SPOPL: variants seen among roughly 807,000 people sequenced by gnomAD.
The protein encoded by SPOPL is speckle type BTB/POZ protein like.
A neutral mutation model predicts 53.8 loss-of-function variants in SPOPL; 23 were observed. The observed-to-expected ratio is 0.43, with a 90% confidence interval of 0.31 to 0.61. The LOEUF (loss-of-function observed/expected upper bound fraction) is 0.61, where lower values mean the gene tolerates loss of function less well. Ranked by LOEUF, SPOPL falls within the 20% of genes least tolerant of loss-of-function variation. The probability of loss-of-function intolerance (pLI) is 0.12; values close to 1 mark genes in which losing one functional copy is unlikely to be tolerated. For missense variants in SPOPL, 442 were observed against 466.9 expected (o/e 0.95, Z 0.49); for synonymous variants, 164 against 149.7 (o/e 1.10, Z -0.70).
intron 1 of SPOPL, among the ~76,000 whole-genome samples, chr2:138,503,924 GTT>G (rs1684159362): frequency 6.6e-6 from 1 of 152,074 alleles, no homozygotes; most frequent in African/African-American, 2.4e-5. Flanking sequence ...AATGTGTTAT[GTT>G]CATTCATATT....
chr2:138,550,323 A>C lies in SPOPL; in HGVS notation c.78+29A>C, dbSNP rs2293124. 2,963 of 1,611,988 alleles carry C rather than the reference A, an allele frequency of 1.8e-3. 100 individuals are homozygous for C. The East Asian group carries it at 0.06, about 32-fold the overall frequency. On this transcript the variant is annotated intron_variant, in intron 2 of 10. Coordinates refer to ENST00000280098, the MANE Select transcript of SPOPL (RefSeq NM_001001664.3). ...CATGCTCTTAAAAATCCCTCACTTT[A>C]TGTCACTTATAAATTTTACAGTATG...
At position 138,570,447 on chromosome 2, in the gene SPOPL, A is replaced by G. The variant is rs1336132359; in HGVS notation, c.*1367A>G. 4 of 152,160 alleles carry G rather than the reference A, an allele frequency of 2.6e-5. No homozygotes were observed. In the East Asian group the frequency reaches 5.8e-4, roughly 22 times the overall value. The allele number at this position is 152,160 out of a possible 1,614,324, so 9.4% of individuals were successfully genotyped here. A position where few individuals can be genotyped will look rare whatever the true frequency, so the allele number is the denominator to read the frequency against. On this transcript the variant is annotated 3_prime_UTR_variant, in exon 11 of 11. Transcript: ENST00000280098. The stretch of plus-strand genomic sequence containing the variant: ...TAGCTTTAAATGCATATACACGTTC[A>G]GTGTTTGATAGTTGTGTTCTTAAGG...
At chr2:138,550,869 T>A (rs749460751) in intron 3 of SPOPL, 34 bp from the exon 4 acceptor site, 2 of 1,581,058 alleles carry the variant, frequency 1.3e-6, no homozygotes, top group Non-Finnish European at 1.7e-6. Flanking sequence ...TCAAGTATTA[T>A]ATTCCTCCAT....
chr2:138,515,985 A>G (rs1362490729), intron 1 of SPOPL, among the ~76,000 whole-genome samples: 1 of 152,246 alleles, frequency 6.6e-6, no homozygotes, highest in African/African-American at 2.4e-5. Flanking sequence ...AGAAGAGCTA[A>G]GATGTCATTC....
At chr2:138,523,111 A>G (rs1684591907) in intron 1 of SPOPL, among the ~76,000 whole-genome samples, 1 of 152,194 alleles carries the variant, frequency 6.6e-6, no homozygotes, top group Admixed American at 6.5e-5. Context: ...ATAAAGACAT[A>G]CCTGAGACCG....
rs1324714180 is a variant in SPOPL at position 138,551,000 on chromosome 2, G to T, written c.298G>T (p.Ala100Ser). The T allele has an allele frequency of 1.9e-6, 3 of 1,613,406 alleles. No homozygotes were observed. In the South Asian group the frequency reaches 3.3e-5, roughly 18 times the overall value. ...LVSCPKSEVR[A>S]KFKFSLLNAK... ...CAGCTGCCCCAAAAGTGAAGTTCGAGCAAAATTCAAATTTTCCCTTCTGAA... is the reference window on the plus strand; with the variant it reads ...CAGCTGCCCCAAAAGTGAAGTTCGATCAAAATTCAAATTTTCCCTTCTGAA... Residue 100 changes from alanine (A) to serine (S), a missense_variant, in exon 4 of 11, where the codon GCA (alanine) becomes TCA (serine). Ala to Ser is a moderately conservative substitution (Grantham distance 99, BLOSUM62 1). Coordinates refer to ENST00000280098, the MANE Select transcript of SPOPL (RefSeq NM_001001664.3).
At chr2:138,529,293 T>C (rs554650760) in intron 1 of SPOPL, among the ~76,000 whole-genome samples, 1 of 152,186 alleles carries the variant, frequency 6.6e-6, no homozygotes, top group African/African-American at 2.4e-5. Flanking sequence ...CTTTGCATAA[T>C]TGGGCTCATA....
intron 1 of SPOPL, among the ~76,000 whole-genome samples, chr2:138,539,531 G>A (rs1573890655): frequency 6.6e-6 from 1 of 152,130 alleles, no homozygotes; most frequent in Admixed American, 6.6e-5. Context: ...TGTGTCTGTT[G>A]GCTGCATAAA....
intron 1 of SPOPL, among the ~76,000 whole-genome samples, chr2:138,529,579 A>G (rs940248834): frequency 6.6e-6 from 1 of 150,422 alleles, no homozygotes; most frequent in Non-Finnish European, 1.5e-5. Flanking sequence ...TCATTAGTCA[A>G]CTTCTCTGTT....
intron 7 of SPOPL, 138 bp from the exon 8 acceptor site, chr2:138,560,667 A>G (rs1411697596): frequency 1.1e-6 from 1 of 934,674 alleles, no homozygotes; most frequent in Non-Finnish European, 1.5e-6. Context: ...ATTTAGAAAT[A>G]TCTGTGTATG....
rs960074154 is a variant in SPOPL, at chr2:138,570,821, A to T, written c.*1741A>T. On this transcript the variant is annotated 3_prime_UTR_variant, in exon 11 of 11. Transcript: ENST00000280098. ...CAGATTCATTTGGATTCATATTTAC[A>T]TTGAAAAAACTCAACTAAGCATTTG... 2.0e-5 allele frequency: 3 copies of T among 152,186 alleles called. No individual in the cohort carries two copies. Among genetic ancestry groups the T allele is most frequent in the Non-Finnish European group, 4.4e-5 (3 of 68,018 alleles). The allele number at this position is 152,186 out of a possible 1,614,324, so 9.4% of individuals were successfully genotyped here. A position where few individuals can be genotyped will look rare whatever the true frequency, so the allele number is the denominator to read the frequency against.
chr2:138,544,762 C>T (rs141502273), intron 1 of SPOPL, among the ~76,000 whole-genome samples: 1,633 of 152,308 alleles, frequency 0.011, 33 homozygotes, highest in African/African-American at 0.037. Flanking sequence ...TTCCGACACT[C>T]CCCAGTGAGA....
chr2:138,568,467 C>T (rs1314613657), intron 10 of SPOPL, among the ~76,000 whole-genome samples: 3 of 152,086 alleles, frequency 2.0e-5, no homozygotes, highest in African/African-American at 7.2e-5. Flanking sequence ...GCGAATGAAC[C>T]TTGTGTGGAA....
At chr2:138,514,072 T>C (rs1573868630) in intron 1 of SPOPL, among the ~76,000 whole-genome samples, 1 of 152,174 alleles carries the variant, frequency 6.6e-6, no homozygotes, top group Non-Finnish European at 1.5e-5. Flanking sequence ...AACATACATA[T>C]ATGGTTATGT....
chr2:138,561,074 GAAATGA>G, intron 8 of SPOPL, 147 bp downstream of exon 8: 2 of 1,001,452 alleles, frequency 2.0e-6, no homozygotes, highest in South Asian at 3.8e-5. Flanking sequence ...GGGTAATCTG[GAAATGA>G]AATTTTTTTT....
intron 1 of SPOPL, among the ~76,000 whole-genome samples, chr2:138,537,213 T>C (rs1010532936): frequency 6.6e-6 from 1 of 152,130 alleles, no homozygotes; most frequent in Non-Finnish European, 1.5e-5. Context: ...GAAAGGACTT[T>C]ATTCGGCTGG....
chr2:138,541,103 A>G (rs1217307423), intron 1 of SPOPL, among the ~76,000 whole-genome samples: 2 of 152,188 alleles, frequency 1.3e-5, no homozygotes, highest in Non-Finnish European at 2.9e-5. Context: ...CCACTTGTTC[A>G]TCATGGATAC....
intron 1 of SPOPL, among the ~76,000 whole-genome samples, chr2:138,505,420 G>C (rs1360009067): frequency 6.6e-6 from 1 of 151,798 alleles, no homozygotes; most frequent in Non-Finnish European, 1.5e-5. Context: ...GAGATTACTT[G>C]TATTCATGGA....
intron 5 of SPOPL, among the ~76,000 whole-genome samples, chr2:138,556,826 A>T (rs1685434684): frequency 6.6e-6 from 1 of 152,186 alleles, no homozygotes; most frequent in Non-Finnish European, 1.5e-5. Context: ...ACTAATTTTT[A>T]AAAATATCAG....
Sources: allele counts gnomAD v4.1 joint callset (sites outside exome capture counted in the v4.1 genomes callset), GRCh38; gene constraint gnomAD v4.1.1; transcripts MANE v1.5; gene names NCBI Gene and HGNC (gene_info 2026-07-23, HGNC 2026-07-21).